Variants in TMEM71 observed in about 807,000 individuals in gnomAD.
The protein encoded by TMEM71 is transmembrane protein 71.
A neutral mutation model predicts 38.0 loss-of-function variants in TMEM71; 44 were observed. That is an observed-to-expected ratio of 1.16 (90% CI 0.91 to 1.49). The LOEUF (loss-of-function observed/expected upper bound fraction) is 1.49, where lower values mean the gene tolerates loss of function less well. TMEM71 is among the 40% of genes most tolerant of loss of function. The pLI, the probability that TMEM71 is intolerant of heterozygous loss-of-function variation, is 0.00. For synonymous variants in TMEM71, 133 were observed against 122.5 expected (o/e 1.09, Z -0.56); for missense variants, 367 against 348.6 (o/e 1.05, Z -0.42).
chr8:132,707,517 G>C (rs1340026354), downstream of TMEM71, among the ~76,000 whole-genome samples: 2 of 152,150 alleles, frequency 1.3e-5, no homozygotes, highest in Non-Finnish European at 2.9e-5. Flanking sequence ...TTATTATTGT[G>C]AGAATAGATT....
chr8:132,727,508 G>A lies in TMEM71; in HGVS notation c.676+290C>T, dbSNP rs567514998. The stretch of plus-strand genomic sequence containing the variant: ...CCTGACCTTGTGATCCGCCCGCCTC[G>A]GCCTCCCAAAGTGCTGGGATTACAG... On this transcript the variant is annotated intron_variant, in intron 6 of 9. Coordinates refer to ENST00000677595, the MANE Select transcript of TMEM71 (RefSeq NM_001382403.1). 3.9e-3 allele frequency among the ~76,000 whole-genome samples: 586 copies of A among 152,130 alleles called. 3 individuals carry two copies. Among genetic ancestry groups the A allele is most frequent in the Non-Finnish European group, 6.9e-3 (469 of 67,984 alleles).
At chr8:132,724,561 T>C (rs1480638404) in intron 6 of TMEM71, among the ~76,000 whole-genome samples, 2 of 152,182 alleles carry the variant, frequency 1.3e-5, no homozygotes, top group Non-Finnish European at 2.9e-5. Flanking sequence ...ATCGCTGTTA[T>C]TCTGTTGGTT....
intron 6 of TMEM71, 58 bp from the exon 7 acceptor site, chr8:132,722,173 G>T: frequency 7.5e-7 from 1 of 1,328,322 alleles, no homozygotes. Context: ...AATCATCTTG[G>T]AAGAAAAAAT....
At position 132,724,446 on chromosome 8, in the gene TMEM71, C is replaced by A. The variant is rs149304409; in HGVS notation, c.677-2331G>T. Reference sequence around the variant, plus strand: ...AAAGAATTTAGCGATGTCTCTCCTACTTGCACATCCATTTATAGGCTCTCT... The same window carrying A: ...AAAGAATTTAGCGATGTCTCTCCTAATTGCACATCCATTTATAGGCTCTCT... On this transcript the variant is annotated intron_variant, in intron 6 of 9. Coordinates refer to ENST00000677595, the MANE Select transcript of TMEM71 (RefSeq NM_001382403.1). Among the ~76,000 whole-genome samples the A allele has an allele frequency of 7.1e-3, 1,087 of 152,294 alleles. 16 individuals carry two copies. The highest frequency in any genetic ancestry group is 0.025 in the African/African-American group (1,049 of 41,560).
rs1361864433 is a variant in TMEM71 at position 132,710,527 on chromosome 8, G to C, written c.*440C>G. The C allele has an allele frequency of 6.8e-6, 2 of 292,316 alleles. No homozygotes were observed. The highest frequency in any genetic ancestry group is 1.3e-5 in the Non-Finnish European group (2 of 159,982). The allele number at this position is 292,316 out of a possible 1,614,324, so 18.1% of individuals were successfully genotyped here. A position where few individuals can be genotyped will look rare whatever the true frequency, so the allele number is the denominator to read the frequency against. On this transcript the variant is annotated 3_prime_UTR_variant, in exon 10 of 10. Transcript: ENST00000677595. ...TATTCAAGTTGTCAGGTTGGTATTA[G>C]TTAGACAAACTTGCTCTCATTATTC...
chr8:132,721,521 C>T (rs1174393303), intron 7 of TMEM71, among the ~76,000 whole-genome samples: 4 of 149,770 alleles, frequency 2.7e-5, no homozygotes, highest in Non-Finnish European at 5.9e-5. Flanking sequence ...TGTATGCTTT[C>T]TAGGTGGTTT....
intron 4 of TMEM71, 115 bp downstream of exon 4, chr8:132,751,670 A>C: frequency 1.0e-6 from 1 of 976,852 alleles, no homozygotes; most frequent in Non-Finnish European, 1.6e-6. Context: ...GTATTTCCAC[A>C]GTCTGGAGCA....
At chr8:132,722,205 C>G (rs1486491607) in intron 6 of TMEM71, 90 bp from the exon 7 acceptor site, 1 of 873,618 alleles carries the variant, frequency 1.1e-6, no homozygotes, top group East Asian at 2.9e-5. Context: ...TCCCTTGTAC[C>G]CACCAAAAAA....
intron 7 of TMEM71, among the ~76,000 whole-genome samples, chr8:132,717,367 T>A (rs1012803672): frequency 6.6e-6 from 1 of 152,190 alleles, no homozygotes; most frequent in African/African-American, 2.4e-5. Context: ...GCAGAATATA[T>A]AAAGAATTAT....
chr8:132,774,603 C>G, the TMEM71 span, among the ~76,000 whole-genome samples: 1 of 152,192 alleles, frequency 6.6e-6, no homozygotes, highest in Non-Finnish European at 1.5e-5. Context: ...CAGAGTGGTA[C>G]AGTGGAAACC....
At chr8:132,742,804 C>G (rs998209784) in intron 5 of TMEM71, among the ~76,000 whole-genome samples, 6 of 152,170 alleles carry the variant, frequency 3.9e-5, no homozygotes, top group African/African-American at 7.2e-5. Flanking sequence ...CGTTTTCAGG[C>G]TGCTGATAAA....
Position 132,727,892 on chromosome 8 carries a change from T to A in TMEM71, c.582A>T (p.Ile194=). The A allele has an allele frequency of 1.2e-6, 2 of 1,614,150 alleles. No individual in the cohort carries two copies. Among genetic ancestry groups the A allele is most frequent in the Non-Finnish European group, 1.7e-6 (2 of 1,180,018 alleles). The stretch of plus-strand genomic sequence containing the variant: ...GGGAGTTTCCTCCAGGAGGCTGAGA[T>A]ATGATGTGGCTGGAAGAGGAGGTGA... ...SVITSSSSHI[I]SQPPGGNSHS... is the part of the protein sequence containing the mutation. The change falls in exon 6 of 10, where the codon ATA becomes ATT. Residue 194 remains isoleucine (I), a synonymous_variant. Transcript: ENST00000677595.
At chr8:132,724,839 G>A (rs10216974) in intron 6 of TMEM71, among the ~76,000 whole-genome samples, 87,810 of 152,008 alleles carry the variant, frequency 0.58, 28,211 homozygotes, top group African/African-American at 0.87. Context: ...ACTTTCTGCA[G>A]CACACATACT....
At chr8:132,716,511 T>C (rs1483073863) in intron 7 of TMEM71, among the ~76,000 whole-genome samples, 2 of 152,214 alleles carry the variant, frequency 1.3e-5, no homozygotes, top group African/African-American at 4.8e-5. Context: ...CAGTGATGCC[T>C]CTTTTTATCC....
In TMEM71 at chr8:132,752,003, A is replaced by G; in HGVS notation, c.102-6T>C. The G allele has an allele frequency of 6.2e-7, 1 of 1,613,150 alleles. No homozygotes were observed. Among genetic ancestry groups the G allele is most frequent in the Admixed American group, 1.7e-5 (1 of 60,016 alleles). On this transcript the variant is annotated splice_polypyrimidine_tract_variant and splice_region_variant and intron_variant, in intron 3 of 9. Transcript: ENST00000677595. ...CCAGGGAATCACAGGTGAAACTAAG[A>G]AGGAAAAGATAACGCACTTTAAATC...
At chr8:132,736,694 G>C (rs550041026) in intron 5 of TMEM71, among the ~76,000 whole-genome samples, 3 of 152,206 alleles carry the variant, frequency 2.0e-5, no homozygotes, top group Admixed American at 6.5e-5. Flanking sequence ...AGCCAGGCAT[G>C]GTGGCTCATG....
intron 6 of TMEM71, among the ~76,000 whole-genome samples, chr8:132,722,870 C>T (rs1455735960): frequency 1.3e-5 from 2 of 152,186 alleles, no homozygotes; most frequent in Admixed American, 1.3e-4. Flanking sequence ...AGAGTTAATT[C>T]AATCATGAAC....
At chr8:132,707,909 A>G (rs1393069667), downstream of TMEM71, among the ~76,000 whole-genome samples, 1 of 152,028 alleles carries the variant, frequency 6.6e-6, no homozygotes, top group African/African-American at 2.4e-5. Flanking sequence ...AAGTACAGGA[A>G]CCTCGTCTGT....
chr8:132,710,717 C>G lies in TMEM71; in HGVS notation c.*250G>C, dbSNP rs557570209. 7 of 561,068 alleles carry G rather than the reference C, an allele frequency of 1.2e-5. No homozygotes were observed. Among genetic ancestry groups the G allele is most frequent in the Non-Finnish European group, 2.2e-5 (7 of 321,822 alleles). 34.8% of individuals were successfully genotyped at this position (561,068 alleles called of 1,614,324 possible). A position where few individuals can be genotyped will look rare whatever the true frequency, so the allele number is the denominator to read the frequency against. ...GCGGTCTCTTTTCCATCACATTCCC[C>G]GTCCTTTTCCTTTCAACTGCCGGTG... is the stretch of plus-strand genomic sequence containing the variant. On this transcript the variant is annotated 3_prime_UTR_variant, in exon 10 of 10. Transcript: ENST00000677595.
Sources: gnomAD v4.1 joint callset for allele counts (sites outside exome capture counted in the v4.1 genomes callset) on GRCh38, gnomAD v4.1.1 for gene constraint, MANE v1.5 for transcripts, NCBI Gene and HGNC (gene_info 2026-07-23, HGNC 2026-07-21) for gene names.